FAM219A: variants seen among roughly 807,000 people sequenced by gnomAD.
FAM219A encodes family with sequence similarity 219 member A.
FAM219A carries 7 observed loss-of-function variants against 23.4 expected under a neutral mutation model. That is an observed-to-expected ratio of 0.30 (90% CI 0.17 to 0.56). The LOEUF is 0.56. Ranked by LOEUF, FAM219A falls within the 20% of genes least tolerant of loss-of-function variation. The probability of loss-of-function intolerance (pLI) is 0.92; values close to 1 mark genes in which losing one functional copy is unlikely to be tolerated. For synonymous variants in FAM219A, 93 were observed against 99.0 expected, an observed-to-expected ratio of 0.94 and a Z score of 0.36; for missense variants, 166 against 246.9, an observed-to-expected ratio of 0.67 and a Z score of 2.20.
At chr9:34,418,753 A>T (rs974169486) in intron 1 of FAM219A, among the ~76,000 whole-genome samples, 3 of 152,124 alleles carry the variant, frequency 2.0e-5, no homozygotes, top group African/African-American at 7.2e-5. Context: ...TAAGGTACAA[A>T]GTTCTTTAAA....
chr9:34,410,094 G>C (rs951950501), intron 1 of FAM219A, among the ~76,000 whole-genome samples: 1 of 152,144 alleles, frequency 6.6e-6, no homozygotes, highest in African/African-American at 2.4e-5. Flanking sequence ...AAGCATGCAG[G>C]GAGGGACATA....
intron 1 of FAM219A, among the ~76,000 whole-genome samples, chr9:34,440,362 A>G (rs1168174410): frequency 6.6e-6 from 1 of 152,154 alleles, no homozygotes; most frequent in African/African-American, 2.4e-5. Context: ...GGCAGCTCTC[A>G]ACTTCTGTGT....
At chr9:34,411,593 C>G (rs1821821758) in intron 1 of FAM219A, among the ~76,000 whole-genome samples, 1 of 150,762 alleles carries the variant, frequency 6.6e-6, no homozygotes, top group African/African-American at 2.4e-5. Flanking sequence ...AGGAGAATGG[C>G]TAGAACCCGG....
intron 1 of FAM219A, among the ~76,000 whole-genome samples, chr9:34,442,684 C>CAA (rs113574730): frequency 7.0e-5 from 9 of 128,230 alleles, no homozygotes; most frequent in African/African-American, 2.2e-4. Flanking sequence ...GACTCCGTCT[C>CAA]AAAAAAAAAA....
At chr9:34,402,112 G>C in intron 4 of FAM219A, 2 of 1,417,448 alleles carry the variant, frequency 1.4e-6, no homozygotes, top group Non-Finnish European at 1.9e-6. Flanking sequence ...GCTGTCCAGA[G>C]ACAACATCAC....
chr9:34,438,335 A>G (rs1215288363), intron 1 of FAM219A, among the ~76,000 whole-genome samples: 23 of 152,192 alleles, frequency 1.5e-4, no homozygotes, highest in Non-Finnish European at 2.9e-4. Context: ...GTGCGGGCGC[A>G]TGGCACCGGG....
intron 1 of FAM219A, among the ~76,000 whole-genome samples, chr9:34,422,749 A>G (rs1822325754): frequency 6.6e-6 from 1 of 152,244 alleles, no homozygotes; most frequent in Non-Finnish European, 1.5e-5. Context: ...TGAGCCCAGG[A>G]GACAAAAGAA....
rs138457437 is a variant in FAM219A, at chr9:34,456,726, G to A, written c.60+1478C>T. ...CTGGCTCCCAAATAATCCAATGATG[G>A]CATGAGGCTAGGAAAAAGTCCTGCA... On this transcript the variant is annotated intron_variant, in intron 1 of 5. Coordinates refer to ENST00000651358, the MANE Select transcript of FAM219A (RefSeq NM_001184940.2). Among the ~76,000 whole-genome samples the A allele has an allele frequency of 3.3e-4, 51 of 152,274 alleles. No individual in the cohort carries two copies. The East Asian group carries it at 9.3e-3, about 28-fold the overall frequency.
chr9:34,458,292 C>A lies in FAM219A; in HGVS notation c.-29G>T. 7.3e-7 allele frequency: 1 copy of A among 1,373,758 alleles called. No individual in the cohort carries two copies. Among genetic ancestry groups the A allele is most frequent in the Non-Finnish European group, 9.4e-7 (1 of 1,063,878 alleles). The allele number at this position is 1,373,758 out of a possible 1,614,324, so 85.1% of individuals were successfully genotyped here. On this transcript the variant is annotated 5_prime_UTR_variant, in exon 1 of 6. Coordinates refer to ENST00000651358, the MANE Select transcript of FAM219A (RefSeq NM_001184940.2). The surrounding 1 kb of genome is among the most constrained non-coding windows in gnomAD (Gnocchi z 6.6). ...GCCGGCGGGCGAGCGGGCCAGGGGC[C>A]GGGCGCGGCCGCGGACGCCGACAGG...
intron 2 of FAM219A, among the ~76,000 whole-genome samples, chr9:34,403,263 G>A (rs934752891): frequency 1.3e-5 from 2 of 151,910 alleles, no homozygotes; most frequent in African/African-American, 2.4e-5. Context: ...GAAGAGAGAG[G>A]TCAGGTTAGA....
intron 1 of FAM219A, among the ~76,000 whole-genome samples, chr9:34,446,600 A>G (rs1368434810): frequency 6.6e-6 from 1 of 152,250 alleles, no homozygotes; most frequent in African/African-American, 2.4e-5. Context: ...ATGTGAGGTA[A>G]GAACACATTC....
intron 1 of FAM219A, among the ~76,000 whole-genome samples, chr9:34,456,066 G>T (rs1385273840): frequency 6.6e-6 from 1 of 152,168 alleles, no homozygotes; most frequent in African/African-American, 2.4e-5. Flanking sequence ...GGTGGCAGGG[G>T]CCTATAATCC....
chr9:34,404,338 G>T (rs1415736730), intron 2 of FAM219A, among the ~76,000 whole-genome samples: 1 of 152,196 alleles, frequency 6.6e-6, no homozygotes, highest in Non-Finnish European at 1.5e-5. Flanking sequence ...GGCTTGGAAT[G>T]GTTACCTCTT....
intron 1 of FAM219A, among the ~76,000 whole-genome samples, chr9:34,425,065 A>G (rs1169085942): frequency 6.6e-6 from 1 of 151,696 alleles, no homozygotes; most frequent in East Asian, 2.0e-4. Flanking sequence ...TCGGCCTCCC[A>G]AAGTGCTGGA....
chr9:34,413,351 A>C (rs2131945905), intron 1 of FAM219A, among the ~76,000 whole-genome samples: 1 of 152,320 alleles, frequency 6.6e-6, no homozygotes, highest in South Asian at 2.1e-4. Flanking sequence ...GAAGGAGATC[A>C]GACTGGCTGG....
intron 1 of FAM219A, among the ~76,000 whole-genome samples, chr9:34,416,034 AG>A (rs913229536): frequency 1.3e-5 from 2 of 151,890 alleles, no homozygotes; most frequent in African/African-American, 4.8e-5. Flanking sequence ...AAAATTAGCC[AG>A]GTGTGGTGGC....
At chr9:34,434,934 C>T in intron 1 of FAM219A, among the ~76,000 whole-genome samples, 1 of 152,176 alleles carries the variant, frequency 6.6e-6, no homozygotes, top group Non-Finnish European at 1.5e-5. Flanking sequence ...ATCCTCCTGC[C>T]TCAGCCTCCC....
intron 1 of FAM219A, among the ~76,000 whole-genome samples, chr9:34,416,115 G>C (rs952391262): frequency 1.3e-5 from 2 of 151,730 alleles, no homozygotes; most frequent in Admixed American, 1.3e-4. Flanking sequence ...GGTTGAGGCT[G>C]GAGTGAGCTA....
Position 34,405,933 on chromosome 9 carries a change from T to A in FAM219A, c.92A>T (p.Asp31Val). 6.2e-7 allele frequency: 1 copy of A among 1,613,284 alleles called. No individual in the cohort carries two copies. The highest frequency in any genetic ancestry group is 8.5e-7 in the Non-Finnish European group (1 of 1,179,610). The change falls in exon 2 of 6, where the codon GAC (aspartate) becomes GTC (valine). Residue 31 changes from aspartate (D) to valine (V), a missense_variant. Asp to Val is a radical substitution (Grantham distance 152). Transcript: ENST00000651358. ...DPAAASISDGDCDAREGESVA... is the reference protein window; with the variant it reads ...DPAAASISDGVCDAREGESVA... The stretch of plus-strand genomic sequence containing the variant: ...TGACTCACCCTCCCGGGCGTCACAG[T>A]CTCCGTCAGAGATGGAGGCGGCGGC...
Sources: gnomAD v4.1 joint callset for allele counts (sites outside exome capture counted in the v4.1 genomes callset) on GRCh38, gnomAD v4.1.1 for gene constraint, Gnocchi (gnomAD v3.1) non-coding constraint, MANE v1.5 for transcripts, NCBI Gene and HGNC (gene_info 2026-07-23, HGNC 2026-07-21) for gene names.